Variants in RICTOR observed in about 807,000 individuals in gnomAD.
RICTOR encodes the protein RPTOR independent companion of MTOR complex 2.
A neutral mutation model predicts 214.9 loss-of-function variants in RICTOR; 49 were observed. That is an observed-to-expected ratio of 0.23 (90% CI 0.18 to 0.29). The LOEUF is 0.29. Ranked by LOEUF, RICTOR falls within the 10% of genes least tolerant of loss-of-function variation. The probability of loss-of-function intolerance (pLI) is 1.00; values close to 1 mark genes in which losing one functional copy is unlikely to be tolerated. For missense variants in RICTOR, 1,625 were observed against 2,047.0 expected (o/e 0.79, Z 3.98); for synonymous variants, 717 against 711.3 (o/e 1.01, Z -0.13).
chr5:38,952,304 C>A lies in RICTOR; in HGVS notation c.3019G>T (p.Asp1007Tyr). Residue 1007 changes from aspartate to tyrosine, a missense_variant, in exon 30 of 38, where the codon GAT becomes TAT. Asp to Tyr is a radical substitution (Grantham distance 160). Transcript: ENST00000357387. ...AGTTCATTACAGAGTTGTTCCACAT[C>A]ATCTGGAACCACTGGCCACAGATGT... ...RKHLWPVVPD[D>Y]VEQLCNELSS... 1 of 1,612,262 alleles carries A rather than the reference C, an allele frequency of 6.2e-7. No individual in the cohort carries two copies. The highest frequency in any genetic ancestry group is 1.3e-5 in the African/African-American group (1 of 74,954).
Position 38,949,963 on chromosome 5 carries a change from C to T in RICTOR, c.3885G>A (p.Thr1295=), listed in dbSNP as rs768769354. ...VSLVPPGSSH[T]LPRRAQSLKA... Reference sequence around the variant, plus strand: ...TAAGGGACTGTGCTCTTCTAGGAAGCGTATGAGAAGAACCTGGAGGCACCA... The same window carrying T: ...TAAGGGACTGTGCTCTTCTAGGAAGTGTATGAGAAGAACCTGGAGGCACCA... Residue 1295 remains threonine, a synonymous_variant, in exon 31 of 38, where the codon ACG becomes ACA. Coordinates refer to ENST00000357387, the MANE Select transcript of RICTOR (RefSeq NM_152756.5). The T allele has an allele frequency of 4.3e-6, 7 of 1,613,282 alleles. No homozygotes were observed. Among genetic ancestry groups the T allele is most frequent in the Admixed American group, 3.3e-5 (2 of 59,886 alleles).
intron 3 of RICTOR, among the ~76,000 whole-genome samples, chr5:39,017,655 G>C (rs1580111599): frequency 6.6e-6 from 1 of 151,800 alleles, no homozygotes; most frequent in Non-Finnish European, 1.5e-5. Flanking sequence ...AAATGCCTAT[G>C]TACTTGCTTC....
At chr5:38,975,406 G>A in intron 10 of RICTOR, 131 bp downstream of exon 10, 1 of 655,334 alleles carries the variant, frequency 1.5e-6, no homozygotes, top group Non-Finnish European at 2.7e-6. Context: ...GAGTTCCTTT[G>A]GTTCTAATAA....
At position 38,949,258 on chromosome 5, in the gene RICTOR, A is replaced by C. The variant is rs1748483193; in HGVS notation, c.4136+454T>G. ...TTTATTAGGTTCCTATTTAATAATC[A>C]CAGCTACTTAAAGTGAAAATAATTT... On this transcript the variant is annotated intron_variant, in intron 31 of 37. Transcript: ENST00000357387. 8.6e-6 allele frequency: 6 copies of C among 695,620 alleles called. No homozygotes were observed. The South Asian group carries it at 1.4e-4, about 17-fold the overall frequency. 43.1% of individuals were successfully genotyped at this position (695,620 alleles called of 1,614,324 possible). A position where few individuals can be genotyped will look rare whatever the true frequency, so the allele number is the denominator to read the frequency against.
At chr5:39,027,507 T>A (rs1004150075) in intron 2 of RICTOR, among the ~76,000 whole-genome samples, 8 of 152,110 alleles carry the variant, frequency 5.3e-5, no homozygotes, top group African/African-American at 1.9e-4. Flanking sequence ...TAAATGTAAG[T>A]GTAATGTGTT....
In RICTOR at chr5:38,959,843, T is replaced by G. The variant is rs756521430; in HGVS notation, c.1987A>C (p.Ile663Leu). 2 of 1,613,382 alleles carry G rather than the reference T, an allele frequency of 1.2e-6. No individual in the cohort carries two copies. The highest frequency in any genetic ancestry group is 1.7e-6 in the Non-Finnish European group (2 of 1,179,574). The change falls in exon 21 of 38, where the codon ATT becomes CTT. Residue 663 changes from isoleucine to leucine, a missense_variant. By Grantham distance (5) the Ile-to-Leu change is conservative. Coordinates refer to ENST00000357387, the MANE Select transcript of RICTOR (RefSeq NM_152756.5). The part of the protein sequence containing the change: ...TTLSQHYFLF[I>L]GTLSCHPHGV... ...TGAGGGTGGCAAGAAAGTGTTCCAATAAATAAAAAGTAGTGTTGACTAAGG... is the reference window on the plus strand; with the variant it reads ...TGAGGGTGGCAAGAAAGTGTTCCAAGAAATAAAAAGTAGTGTTGACTAAGG...
At chr5:39,063,103 A>C (rs577752038) in intron 2 of RICTOR, among the ~76,000 whole-genome samples, 2 of 152,038 alleles carry the variant, frequency 1.3e-5, no homozygotes, top group Admixed American at 6.6e-5. Context: ...GAACATGCAC[A>C]CTCCCTCCAT....
chr5:38,969,578 A>C (rs1156975014), intron 11 of RICTOR: 1 of 151,644 alleles, frequency 6.6e-6, no homozygotes, highest in Non-Finnish European at 1.5e-5. Context: ...ACATTCACTC[A>C]CTTCTCACAC....
chr5:38,966,516 T>C, intron 15 of RICTOR, 125 bp downstream of exon 15: 1 of 644,066 alleles, frequency 1.6e-6, no homozygotes, highest in Non-Finnish European at 2.7e-6. Context: ...AATGCAAAGA[T>C]AAACATTTAT....
intron 2 of RICTOR, among the ~76,000 whole-genome samples, chr5:39,039,442 C>T (rs1756999622): frequency 2.0e-5 from 3 of 152,212 alleles, no homozygotes; most frequent in Admixed American, 6.5e-5. Flanking sequence ...AAAGCAATGG[C>T]AACAAAAGCC....
intron 10 of RICTOR, among the ~76,000 whole-genome samples, chr5:38,975,265 T>C (rs1056114375): frequency 3.3e-5 from 5 of 152,168 alleles, no homozygotes; most frequent in African/African-American, 1.2e-4. Flanking sequence ...ATGCTTAAAT[T>C]TTTTTAATTG....
chr5:39,030,462 C>CTAA (rs1756190291), intron 2 of RICTOR, among the ~76,000 whole-genome samples: 1 of 152,112 alleles, frequency 6.6e-6, no homozygotes, highest in South Asian at 2.1e-4. Context: ...CCATCACTTA[C>CTAA]CTAGCCTTTA....
intron 7 of RICTOR, among the ~76,000 whole-genome samples, chr5:38,982,730 C>T (rs552940312): frequency 6.6e-6 from 1 of 151,836 alleles, no homozygotes; most frequent in Non-Finnish European, 1.5e-5. Context: ...ATTTTTCTCT[C>T]CCTTAACAAC....
At position 39,074,358 on chromosome 5, in the gene RICTOR, C is replaced by T. The variant is rs1317173806; in HGVS notation, c.20G>A (p.Gly7Asp). MAAIGR[G>D]RSLKNLRVRG... ...TACTCGGAGGTTCTTCAGAGAGCGGCCGCGGCCGATCGCCGCCATATTGAC... is the reference window on the plus strand; with the variant it reads ...TACTCGGAGGTTCTTCAGAGAGCGGTCGCGGCCGATCGCCGCCATATTGAC... Residue 7 changes from glycine to aspartate, a missense_variant, in exon 1 of 38, where the codon GGC (glycine) becomes GAC (aspartate). Physicochemically the swap from Gly to Asp is moderately conservative, Grantham distance 94. This residue lies in a region of RICTOR where 71 missense variants were observed against 57.9 expected (regional missense o/e 1.23). Transcript: ENST00000357387. The T allele has an allele frequency of 2.5e-5, 39 of 1,538,572 alleles. No individual in the cohort carries two copies. Among genetic ancestry groups the T allele is most frequent in the Non-Finnish European group, 3.3e-5 (38 of 1,142,064 alleles).
Position 38,947,358 on chromosome 5 carries a change from G to A in RICTOR, c.4220C>T (p.Ser1407Phe), listed in dbSNP as rs2112829209. ...PINQNTLQRS[S>F]SVRSMVSSAT... The stretch of plus-strand genomic sequence containing the variant: ...ACTGGACACCATGGACCGCACTGAG[G>A]AAGATCGTTGCAGGGTATTTTGATT... The change falls in exon 32 of 38, where the codon TCC becomes TTC. Residue 1407 changes from serine (S) to phenylalanine (F), a missense_variant. Ser to Phe is a radical substitution (Grantham distance 155, BLOSUM62 -2). Transcript: ENST00000357387. The A allele has an allele frequency of 6.2e-7, 1 of 1,611,844 alleles. No individual in the cohort carries two copies. The highest frequency in any genetic ancestry group is 8.5e-7 in the Non-Finnish European group (1 of 1,178,118).
At chr5:39,038,978 T>C (rs1360150154) in intron 2 of RICTOR, among the ~76,000 whole-genome samples, 1 of 152,142 alleles carries the variant, frequency 6.6e-6, no homozygotes, top group African/African-American at 2.4e-5. Context: ...TTAAAGTTCA[T>C]ATGGAACCAA....
intron 2 of RICTOR, among the ~76,000 whole-genome samples, chr5:39,028,061 A>C (rs1419683114): frequency 2.0e-5 from 3 of 152,192 alleles, no homozygotes; most frequent in African/African-American, 7.2e-5. Flanking sequence ...TCATTAATTA[A>C]CAGGAAAATG....
intron 5 of RICTOR, among the ~76,000 whole-genome samples, chr5:38,998,896 G>A (rs1217530148): frequency 6.6e-6 from 1 of 151,496 alleles, no homozygotes; most frequent in African/African-American, 2.4e-5. Flanking sequence ...CGCACCCGCA[G>A]TCCCAGCTAC....
In RICTOR at chr5:38,959,918, A is replaced by C. The variant is rs759518472; in HGVS notation, c.1912T>G (p.Ser638Ala). Residue 638 changes from serine to alanine, a missense_variant, in exon 21 of 38, where the codon TCT (serine) becomes GCT (alanine). Ser to Ala is a moderately conservative substitution (Grantham distance 99). This residue lies in a region of RICTOR where 1,214 missense variants were observed against 1,470.5 expected (regional missense o/e 0.83). Transcript: ENST00000357387. ...KDIVQWLNAS[S>A]GMKPERSLQN... ...AGACTTCTTTCGGGTTTCATTCCAGATGAAGCATTGAGCCACTGAACAATA... is the reference window on the plus strand; with the variant it reads ...AGACTTCTTTCGGGTTTCATTCCAGCTGAAGCATTGAGCCACTGAACAATA... 6.2e-7 allele frequency: 1 copy of C among 1,613,436 alleles called. No individual in the cohort carries two copies. Among genetic ancestry groups the C allele is most frequent in the Non-Finnish European group, 8.5e-7 (1 of 1,179,464 alleles).
Sources: gnomAD v4.1 joint callset for allele counts (sites outside exome capture counted in the v4.1 genomes callset) on GRCh38, gnomAD v4.1.1 for gene constraint, gnomAD v4.1.1 regional missense constraint, MANE v1.5 for transcripts, NCBI Gene and HGNC (gene_info 2026-07-23, HGNC 2026-07-21) for gene names.